ZNF716: variants seen among roughly 807,000 people sequenced by gnomAD.
ZNF716 encodes zinc finger protein 716.
In ZNF716, 9 loss-of-function variants were observed where a neutral mutation model predicts 13.4. The observed-to-expected ratio is 0.67, with a 90% CI of 0.41 to 1.18. The LOEUF is 1.18. Among genes scored for constraint, ZNF716 ranks in the 50% most tolerant of loss-of-function variants. ZNF716 has a pLI of 0.01. For missense variants in ZNF716, 581 were observed against 576.6 expected, an observed-to-expected ratio of 1.01 and a Z score of -0.08; for synonymous variants, 186 against 195.2, an observed-to-expected ratio of 0.95 and a Z score of 0.39.
In ZNF716 at chr7:57,473,266, C is replaced by G. The variant is rs1189639042; in HGVS notation, c.*3317C>G. 2.0e-5 allele frequency: 3 copies of G among 152,104 alleles called. No individual in the cohort carries two copies. Among genetic ancestry groups the G allele is most frequent in the South Asian group, 2.1e-4 (1 of 4,830 alleles). 9.4% of individuals were successfully genotyped at this position (152,104 alleles called of 1,614,324 possible). A position where few individuals can be genotyped will look rare whatever the true frequency, so the allele number is the denominator to read the frequency against. On this transcript the variant is annotated 3_prime_UTR_variant, in exon 4 of 4. Coordinates refer to ENST00000420713, the MANE Select transcript of ZNF716 (RefSeq NM_001159279.1). ...GATATACCAGCCGAGCACAGTGGCTCCCAGCATTTTGGGAGCCTGAGGTGG... is the reference window on the plus strand; with the variant it reads ...GATATACCAGCCGAGCACAGTGGCTGCCAGCATTTTGGGAGCCTGAGGTGG...
chr7:57,460,394 C>CAA (rs71565809), intron 1 of ZNF716, among the ~76,000 whole-genome samples: 30,834 of 85,128 alleles, frequency 0.36, 5,827 homozygotes, highest in Admixed American at 0.41. Flanking sequence ...GACTGTGTCT[C>CAA]AAAAAAAAAA....
chr7:57,454,282 T>A (rs1445946398), intron 1 of ZNF716, among the ~76,000 whole-genome samples: 1 of 152,260 alleles, frequency 6.6e-6, no homozygotes, highest in Admixed American at 6.5e-5. Context: ...AGATAGATAC[T>A]TTTGCTTTTC....
Position 57,470,086 on chromosome 7 carries a change from G to C in ZNF716, c.*137G>C. 1 of 837,436 alleles carries C rather than the reference G, an allele frequency of 1.2e-6. No homozygotes were observed. Among genetic ancestry groups the C allele is most frequent in the South Asian group, 2.5e-5 (1 of 40,776 alleles). 51.9% of individuals were successfully genotyped at this position (837,436 alleles called of 1,614,324 possible). A position where few individuals can be genotyped will look rare whatever the true frequency, so the allele number is the denominator to read the frequency against. On this transcript the variant is annotated 3_prime_UTR_variant, in exon 4 of 4. Transcript: ENST00000420713. ...GCTGTCCATAAGATAATTCATATTG[G>C]ACAAAAGTCTTATAAATGTAAAAAA...
Position 57,470,887 on chromosome 7 carries a change from G to GTGT in ZNF716, c.*940_*942dup, listed in dbSNP as rs1265681718. 3.3e-5 allele frequency: 5 copies of GTGT among 152,108 alleles called. No homozygotes were observed. The highest frequency in any genetic ancestry group is 2.6e-4 in the Admixed American group (4 of 15,268). 9.4% of individuals were successfully genotyped at this position (152,108 alleles called of 1,614,324 possible). A position where few individuals can be genotyped will look rare whatever the true frequency, so the allele number is the denominator to read the frequency against. On this transcript the variant is annotated 3_prime_UTR_variant, in exon 4 of 4. Coordinates refer to ENST00000420713, the MANE Select transcript of ZNF716 (RefSeq NM_001159279.1). ...CATACTGGTGAAAAACTCTAGAAAT[G>GTGT]TGTTAAATGAGGTAAGTCCTTTAAA...
rs1208492220 is a variant in ZNF716, at chr7:57,464,115, CTTTTTTCTTTT to C, written c.262+954_262+964del. ...AGGTAGTTCAATCATTTGTCCATTT[CTTTTTTCTTTT>C]TTTTTTTTTTTTGAGATGGAGTTTC... On this transcript the variant is annotated intron_variant, in intron 3 of 3. Transcript: ENST00000420713. Among the ~76,000 whole-genome samples the C allele has an allele frequency of 3.6e-5, 4 of 110,260 alleles. 1 individual carries two copies. The South Asian group carries it at 9.1e-4, about 25-fold the overall frequency. The allele number at this position is 110,260 out of a possible 152,430, so 72.3% of individuals were successfully genotyped here. A position where few individuals can be genotyped will look rare whatever the true frequency, so the allele number is the denominator to read the frequency against.
rs1789879952 is a variant in ZNF716 at position 57,469,394 on chromosome 7, TACTA to T, written c.936_939del (p.Asn313ThrfsTer31). On this transcript the variant is annotated frameshift_variant, in exon 4 of 4. Coordinates refer to ENST00000420713, the MANE Select transcript of ZNF716 (RefSeq NM_001159279.1). LOFTEE classifies it low-confidence loss of function (END_TRUNC). ...AAGCCTTTAGCCGCTCTTCAACACTTACTAACCACAAGAGAATTCATACTGGAGA... is the reference window on the plus strand; with the variant it reads ...AAGCCTTTAGCCGCTCTTCAACACTTACCACAAGAGAATTCATACTGGAGA... 1.9e-6 allele frequency: 3 copies of T among 1,612,894 alleles called. No homozygotes were observed. Among genetic ancestry groups the T allele is most frequent in the Non-Finnish European group, 2.5e-6 (3 of 1,179,756 alleles).
At chr7:57,457,643 C>A (rs377440177) in intron 1 of ZNF716, among the ~76,000 whole-genome samples, 1 of 152,292 alleles carries the variant, frequency 6.6e-6, no homozygotes, top group South Asian at 2.1e-4. Flanking sequence ...CACACCCAGC[C>A]ACATTTTTTT....
rs553913123 is a variant in ZNF716, at chr7:57,470,607, C to T, written c.*658C>T. The T allele has an allele frequency of 1.3e-5, 2 of 152,116 alleles. No individual in the cohort carries two copies. The highest frequency in any genetic ancestry group is 1.3e-4 in the Admixed American group (2 of 15,242). The allele number at this position is 152,116 out of a possible 1,614,324, so 9.4% of individuals were successfully genotyped here. Reference sequence around the variant, plus strand: ...TTATTATACACTAAAAGAATTGATACTGAAGAAAAACCCTACAATAAGGAA... The same window carrying T: ...TTATTATACACTAAAAGAATTGATATTGAAGAAAAACCCTACAATAAGGAA... On this transcript the variant is annotated 3_prime_UTR_variant, in exon 4 of 4. Transcript: ENST00000420713.
intron 1 of ZNF716, among the ~76,000 whole-genome samples, chr7:57,461,883 G>C (rs1201477247): frequency 6.6e-6 from 1 of 152,104 alleles, no homozygotes; most frequent in Admixed American, 6.6e-5. Flanking sequence ...TGTCCGACTG[G>C]GTGCAGTGGC....
intron 3 of ZNF716, among the ~76,000 whole-genome samples, chr7:57,468,203 T>G (rs1202544497): frequency 1.3e-5 from 2 of 152,216 alleles, no homozygotes; most frequent in Non-Finnish European, 2.9e-5. Context: ...TTTCTACACC[T>G]GTTTTCTGTC....
Position 57,468,818 on chromosome 7 carries a change from A to G in ZNF716, c.357A>G (p.Gly119=). 1 of 1,613,814 alleles carries G rather than the reference A, an allele frequency of 6.2e-7. No homozygotes were observed. The highest frequency in any genetic ancestry group is 8.5e-7 in the Non-Finnish European group (1 of 1,179,866). The change falls in exon 4 of 4, where the codon GGA becomes GGG. Residue 119 remains glycine (G), a synonymous_variant. Coordinates refer to ENST00000420713, the MANE Select transcript of ZNF716 (RefSeq NM_001159279.1). ...TACTGAGAAGATATGGAAAATGTGG[A>G]CAGGAGGATTTACAAGTAAAAAAAT... The part of the protein sequence containing the change: ...KVILRRYGKC[G]QEDLQVKKCC...
At chr7:57,463,431 C>T (rs782731989) in intron 3 of ZNF716, among the ~76,000 whole-genome samples, 5 of 152,178 alleles carry the variant, frequency 3.3e-5, no homozygotes, top group Non-Finnish European at 7.3e-5. Flanking sequence ...TTATAAGGGA[C>T]TGCAAAAACT....
At chr7:57,457,630 C>T (rs1789623463) in intron 1 of ZNF716, among the ~76,000 whole-genome samples, 1 of 152,172 alleles carries the variant, frequency 6.6e-6, no homozygotes, top group Non-Finnish European at 1.5e-5. Context: ...AGTCATGAGC[C>T]ACCACACCCA....
At chr7:57,455,940 G>A (rs1653285578) in intron 1 of ZNF716, among the ~76,000 whole-genome samples, 1 of 148,654 alleles carries the variant, frequency 6.7e-6, no homozygotes, top group Non-Finnish European at 1.5e-5. Flanking sequence ...GGTTTTTTTT[G>A]TTTTTTTGTT....
At chr7:57,468,037 G>A (rs868911223) in intron 3 of ZNF716, among the ~76,000 whole-genome samples, 2 of 151,896 alleles carry the variant, frequency 1.3e-5, no homozygotes, top group African/African-American at 4.8e-5. Flanking sequence ...TCTTTATAAT[G>A]CAGCTCTTTC....
intron 3 of ZNF716, among the ~76,000 whole-genome samples, chr7:57,466,040 TG>T (rs1789805839): frequency 9.5e-6 from 1 of 105,792 alleles, no homozygotes; most frequent in Admixed American, 1.1e-4. Flanking sequence ...TGTTGTGGGG[TG>T]GGGGGAGTGG....
chr7:57,462,241 G>A (rs185891369), intron 1 of ZNF716, among the ~76,000 whole-genome samples: 5 of 151,710 alleles, frequency 3.3e-5, no homozygotes, highest in Admixed American at 3.3e-4. Flanking sequence ...ATCTACAGTG[G>A]TATTGTGGAT....
At chr7:57,451,290 C>T (rs10232085) in intron 1 of ZNF716, among the ~76,000 whole-genome samples, 3,192 of 151,958 alleles carry the variant, frequency 0.021, 128 homozygotes, top group African/African-American at 0.07. Context: ...GCTGGGATTA[C>T]AGTCGTGATC....
chr7:57,451,561 C>CCT (rs1472904520), intron 1 of ZNF716, among the ~76,000 whole-genome samples: 104 of 150,296 alleles, frequency 6.9e-4, no homozygotes, highest in African/African-American at 2.5e-3. Flanking sequence ...GATTCGCCTG[C>CCT]CTCAGCCTCC....
Sources: gnomAD v4.1 joint callset for allele counts (sites outside exome capture counted in the v4.1 genomes callset) on GRCh38, gnomAD v4.1.1 for gene constraint, MANE v1.5 for transcripts, NCBI Gene and HGNC (gene_info 2026-07-23, HGNC 2026-07-21) for gene names.